Variants in AK5 observed in about 807,000 individuals in gnomAD.
The protein encoded by AK5 is adenylate kinase isoenzyme 5.
Under a neutral mutation model 69.5 loss-of-function variants are expected in AK5, and 27 were observed. The ratio of observed to expected loss-of-function variants is 0.39; its 90% CI spans 0.29 to 0.54. The LOEUF (loss-of-function observed/expected upper bound fraction) is 0.54. Among genes scored for constraint, AK5 ranks in the 20% least tolerant of loss-of-function variants. The pLI, the probability that AK5 is intolerant of heterozygous loss-of-function variation, is 0.71. For missense variants in AK5, 531 were observed against 700.4 expected (o/e 0.76, Z 2.73); for synonymous variants, 260 against 244.4 (o/e 1.06, Z -0.60).
At chr1:77,507,552 G>A (rs2100280640) in intron 10 of AK5, among the ~76,000 whole-genome samples, 1 of 152,204 alleles carries the variant, frequency 6.6e-6, no homozygotes, top group East Asian at 1.9e-4. Context: ...TGTGAAATAG[G>A]CCACAGTTCC....
intron 6 of AK5, among the ~76,000 whole-genome samples, chr1:77,405,668 G>A (rs1026086815): frequency 2.6e-5 from 4 of 152,144 alleles, no homozygotes; most frequent in African/African-American, 7.2e-5. Flanking sequence ...AGAGAGGCTG[G>A]GCAGTGTAAC....
At chr1:77,328,929 A>G (rs915642856) in intron 5 of AK5, among the ~76,000 whole-genome samples, 1 of 152,188 alleles carries the variant, frequency 6.6e-6, no homozygotes, top group African/African-American at 2.4e-5. Context: ...GGCTGTTGCC[A>G]GCGTCTGGCA....
chr1:77,426,383 T>G (rs1355625319), intron 8 of AK5, among the ~76,000 whole-genome samples: 1 of 152,216 alleles, frequency 6.6e-6, no homozygotes. Flanking sequence ...TCAGAGATTT[T>G]TTAAAGCATT....
chr1:77,523,311 G>T (rs538527268), intron 12 of AK5, among the ~76,000 whole-genome samples: 1 of 152,152 alleles, frequency 6.6e-6, no homozygotes, highest in Admixed American at 6.5e-5. Flanking sequence ...CAGCAAGATG[G>T]GGGTGGGCAG....
chr1:77,369,188 CT>C (rs1647074011), intron 6 of AK5, among the ~76,000 whole-genome samples: 1 of 152,034 alleles, frequency 6.6e-6, no homozygotes, highest in African/African-American at 2.4e-5. Context: ...GATCAGAAAG[CT>C]CAAGTTCAGG....
At chr1:77,308,838 G>A (rs1348218878) in intron 5 of AK5, among the ~76,000 whole-genome samples, 6 of 151,364 alleles carry the variant, frequency 4.0e-5, no homozygotes, top group South Asian at 2.1e-4. Flanking sequence ...GTGTGATGAC[G>A]TGTGCCTACA....
At chr1:77,493,556 C>T (rs2100741490) in intron 10 of AK5, among the ~76,000 whole-genome samples, 1 of 152,162 alleles carries the variant, frequency 6.6e-6, no homozygotes, top group South Asian at 2.1e-4. Context: ...CTGACACATA[C>T]AGCTGGGATC....
At chr1:77,309,647 T>A (rs1659835836) in intron 5 of AK5, among the ~76,000 whole-genome samples, 1 of 152,278 alleles carries the variant, frequency 6.6e-6, no homozygotes, top group Admixed American at 6.5e-5. Context: ...TACCTTTTTA[T>A]TTTATTTATC....
intron 5 of AK5, among the ~76,000 whole-genome samples, chr1:77,310,894 T>C (rs1387114597): frequency 6.6e-6 from 1 of 152,180 alleles, no homozygotes; most frequent in African/African-American, 2.4e-5. Context: ...CTTCATTAAA[T>C]AAGGTTTTAT....
In AK5 at chr1:77,294,981, C is replaced by G. The variant is rs1284516772; in HGVS notation, c.415+1021C>G. Among the ~76,000 whole-genome samples, 6 of 152,116 alleles carry G rather than the reference C, an allele frequency of 3.9e-5. No homozygotes were observed. In the East Asian group the frequency reaches 1.2e-3, roughly 29 times the overall value. ...GAGTTCAAGGTTGCAGTGAACTCCA[C>G]TGCACTCCAGTCTGGGTGACAGAGA... On this transcript the variant is annotated intron_variant, in intron 3 of 13. Coordinates refer to ENST00000354567, the MANE Select transcript of AK5 (RefSeq NM_174858.3).
At chr1:77,338,670 C>T (rs567029319) in intron 5 of AK5, among the ~76,000 whole-genome samples, 130 of 152,206 alleles carry the variant, frequency 8.5e-4, no homozygotes, top group Middle Eastern at 3.4e-3. Context: ...GAAAACACCC[C>T]CACTTCAGGG....
chr1:77,422,776 G>A (rs1291056365), intron 8 of AK5, among the ~76,000 whole-genome samples: 3 of 152,120 alleles, frequency 2.0e-5, no homozygotes, highest in African/African-American at 7.2e-5. Context: ...CTGGCATATG[G>A]CATATGCTCA....
chr1:77,543,087 A>C (rs1366470407), intron 13 of AK5, among the ~76,000 whole-genome samples: 1 of 152,214 alleles, frequency 6.6e-6, no homozygotes, highest in East Asian at 1.9e-4. Context: ...TTAGGTCCTG[A>C]AATGCAATGG....
chr1:77,374,157 C>T (rs753964379), intron 6 of AK5, among the ~76,000 whole-genome samples: 34 of 152,116 alleles, frequency 2.2e-4, no homozygotes, highest in Non-Finnish European at 5.0e-4. Context: ...GTACCAAAAA[C>T]ATAGAATTAA....
rs138539470 is a variant in AK5, at chr1:77,513,162, G to A, written c.1148-5402G>A. 2.7e-4 allele frequency among the ~76,000 whole-genome samples: 41 copies of A among 152,238 alleles called. No homozygotes were observed. In the East Asian group the frequency reaches 7.3e-3, roughly 27 times the overall value. ...CTGTGCAGATGCAGAGCCCTTTCAT[G>A]CTCCAAGTTCCATTACTGAAGACAC... On this transcript the variant is annotated intron_variant, in intron 10 of 13. Coordinates refer to ENST00000354567, the MANE Select transcript of AK5 (RefSeq NM_174858.3).
At chr1:77,367,591 ATATATGTAATATATATGTAATATATATGT>A (rs1646987025) in intron 6 of AK5, among the ~76,000 whole-genome samples, 1 of 86,124 alleles carries the variant, frequency 1.2e-5, no homozygotes, top group East Asian at 3.0e-4. Context: ...TATATATGTT[ATATATGTAATATATATGTAATATATATGT>A]TATATATGTA....
At chr1:77,511,808 A>G (rs948961586) in intron 10 of AK5, among the ~76,000 whole-genome samples, 1 of 152,216 alleles carries the variant, frequency 6.6e-6, no homozygotes, top group Non-Finnish European at 1.5e-5. Flanking sequence ...AAGGATTCAA[A>G]GTTGCTAGAA....
chr1:77,482,688 T>C (rs962617879), intron 8 of AK5, among the ~76,000 whole-genome samples: 2 of 151,850 alleles, frequency 1.3e-5, no homozygotes, highest in East Asian at 3.9e-4. Context: ...CCCAAGTTGT[T>C]TGAACCCGGG....
intron 13 of AK5, chr1:77,540,713 T>C (rs2100369412): frequency 6.6e-6 from 1 of 152,340 alleles, no homozygotes; most frequent in East Asian, 1.9e-4. Context: ...CTGCTTCACC[T>C]CTCAGTTCTT....
Sources: allele counts gnomAD v4.1 joint callset (sites outside exome capture counted in the v4.1 genomes callset), GRCh38; gene constraint gnomAD v4.1.1; transcripts MANE v1.5; gene names NCBI Gene and HGNC (gene_info 2026-07-23, HGNC 2026-07-21).